The following VAT1L variants were observed in gnomAD, a reference collection of about 807,000 sequenced individuals.
VAT1L encodes vesicle amine transport 1 like, also known as putative NADPH-dependent quinone oxidoreductase VAT1L.
VAT1L carries 34 observed loss-of-function variants against 44.1 expected under a neutral mutation model. The observed-to-expected ratio is 0.77, with a 90% CI of 0.59 to 1.03. VAT1L has a LOEUF of 1.03. VAT1L is among the 50% of genes least tolerant of loss of function. The pLI is 0.00. For missense variants in VAT1L, 615 were observed against 538.8 expected, an observed-to-expected ratio of 1.14 and a Z score of -1.40; for synonymous variants, 253 against 202.2, an observed-to-expected ratio of 1.25 and a Z score of -2.13.
intron 4 of VAT1L, among the ~76,000 whole-genome samples, chr16:77,865,013 A>AC (rs1465747469): frequency 8.0e-6 from 1 of 124,596 alleles, no homozygotes; most frequent in Non-Finnish European, 1.5e-5. Flanking sequence ...TCGCTCTGTC[A>AC]CCCAGGCTGG....
chr16:77,857,943 A>C (rs2016878092), intron 3 of VAT1L, among the ~76,000 whole-genome samples: 1 of 151,784 alleles, frequency 6.6e-6, no homozygotes, highest in Non-Finnish European at 1.5e-5. Context: ...CTTTACTCCA[A>C]CTCTACAACA....
chr16:77,916,309 G>A (rs565295109), intron 7 of VAT1L, among the ~76,000 whole-genome samples: 10 of 152,194 alleles, frequency 6.6e-5, no homozygotes, highest in East Asian at 1.9e-4. Context: ...CTGCAACAGC[G>A]TCCTTACAAC....
chr16:77,923,576 G>C (rs1180644890), intron 7 of VAT1L, among the ~76,000 whole-genome samples: 3 of 152,184 alleles, frequency 2.0e-5, no homozygotes, highest in Non-Finnish European at 2.9e-5. Flanking sequence ...TCTACTCTCT[G>C]TTGGACTTCT....
intron 4 of VAT1L, among the ~76,000 whole-genome samples, chr16:77,868,256 TTGTA>T (rs2016995922): frequency 6.6e-6 from 1 of 152,136 alleles, no homozygotes; most frequent in Non-Finnish European, 1.5e-5. Flanking sequence ...AACTGAACAG[TTGTA>T]TGGGTACATC....
At chr16:77,955,727 C>G (rs866018379) in intron 7 of VAT1L, among the ~76,000 whole-genome samples, 29 of 107,528 alleles carry the variant, frequency 2.7e-4, no homozygotes, top group East Asian at 1.2e-3. Flanking sequence ...TATCCCCCCC[C>G]CCAAAAAAAA....
intron 7 of VAT1L, among the ~76,000 whole-genome samples, chr16:77,908,976 G>A (rs2017470469): frequency 1.3e-5 from 2 of 152,156 alleles, no homozygotes; most frequent in Non-Finnish European, 2.9e-5. Flanking sequence ...GAGAGAAGCA[G>A]GGGGATGTGG....
At chr16:77,956,288 T>G (rs761913156) in intron 7 of VAT1L, among the ~76,000 whole-genome samples, 2 of 152,182 alleles carry the variant, frequency 1.3e-5, no homozygotes, top group African/African-American at 2.4e-5. Flanking sequence ...CTAACCTTCC[T>G]GAACCTCATT....
chr16:77,808,660 A>G (rs746085296), intron 1 of VAT1L, among the ~76,000 whole-genome samples: 1 of 152,022 alleles, frequency 6.6e-6, no homozygotes, highest in Non-Finnish European at 1.5e-5. Context: ...CAATGGCGCA[A>G]TCTTAGCACA....
intron 7 of VAT1L, among the ~76,000 whole-genome samples, chr16:77,910,880 G>T (rs184535318): frequency 2.0e-5 from 3 of 152,190 alleles, no homozygotes; most frequent in South Asian, 4.2e-4. Flanking sequence ...AGAGCATTAC[G>T]ACAGTACATC....
At chr16:77,796,693 C>T (rs1344540150) in intron 1 of VAT1L, among the ~76,000 whole-genome samples, 1 of 152,334 alleles carries the variant, frequency 6.6e-6, no homozygotes, top group African/African-American at 2.4e-5. Context: ...ATGACTTGGG[C>T]TTTTACATAC....
Position 77,817,036 on chromosome 16 carries a change from G to A in VAT1L, c.349G>A (p.Val117Met), listed in dbSNP as rs1035718136. Reference sequence around the variant, plus strand: ...GATTGTTGAAGCTCTGGGGGACAGCGTGAAAGGATATGAGGTAATGTTTGG... The same window carrying A: ...GATTGTTGAAGCTCTGGGGGACAGCATGAAAGGATATGAGGTAATGTTTGG... ...SGIVEALGDS[V>M]KGYEIGDRVM... Residue 117 changes from valine to methionine, a missense_variant, in exon 2 of 9, where the codon GTG becomes ATG. Val to Met is a conservative substitution (Grantham distance 21). Transcript: ENST00000302536. 5.0e-6 allele frequency: 8 copies of A among 1,613,746 alleles called. No individual in the cohort carries two copies. The highest frequency in any genetic ancestry group is 2.2e-5 in the East Asian group (1 of 44,876).
At chr16:77,910,690 A>AAAG (rs1555518985) in intron 7 of VAT1L, among the ~76,000 whole-genome samples, 5 of 150,994 alleles carry the variant, frequency 3.3e-5, no homozygotes, top group South Asian at 2.1e-4. Flanking sequence ...AAAAAAAAAA[A>AAAG]AAAGAAAGAA....
intron 3 of VAT1L, among the ~76,000 whole-genome samples, chr16:77,860,135 T>A (rs1036393303): frequency 5.9e-5 from 9 of 152,142 alleles, no homozygotes; most frequent in African/African-American, 1.9e-4. Flanking sequence ...TTCGCTCACA[T>A]CCCTCAGAAG....
chr16:77,868,878 T>C (rs892437132), intron 4 of VAT1L, among the ~76,000 whole-genome samples: 4 of 151,870 alleles, frequency 2.6e-5, no homozygotes, highest in Non-Finnish European at 5.9e-5. Context: ...TAGATGCCAG[T>C]GGCACCCCCC....
At chr16:77,927,860 G>A (rs569824840) in intron 7 of VAT1L, among the ~76,000 whole-genome samples, 16 of 152,182 alleles carry the variant, frequency 1.1e-4, no homozygotes, top group East Asian at 3.9e-4. Context: ...CAGAGACTCC[G>A]TCTCAAAATA....
chr16:77,867,272 G>A (rs939595287), intron 4 of VAT1L, among the ~76,000 whole-genome samples: 1 of 152,180 alleles, frequency 6.6e-6, no homozygotes, highest in Non-Finnish European at 1.5e-5. Flanking sequence ...GGACGGTGAT[G>A]AGGGTTTCAC....
rs184870566 is a variant in VAT1L at position 77,952,784 on chromosome 16, G to A, written c.1078-19066G>A. ...GAGGCAGGAGAATCGTTTGACCTGGGAGGCAGAGGTTGCACTGAGCCAAGA... is the reference window on the plus strand; with the variant it reads ...GAGGCAGGAGAATCGTTTGACCTGGAAGGCAGAGGTTGCACTGAGCCAAGA... On this transcript the variant is annotated intron_variant, in intron 7 of 8. Transcript: ENST00000302536. 3.5e-3 allele frequency among the ~76,000 whole-genome samples: 517 copies of A among 148,498 alleles called. 3 individuals carry two copies. The highest frequency in any genetic ancestry group is 6.1e-3 in the Non-Finnish European group (415 of 67,550).
At chr16:77,935,700 G>A (rs888176154) in intron 7 of VAT1L, among the ~76,000 whole-genome samples, 1 of 152,112 alleles carries the variant, frequency 6.6e-6, no homozygotes, top group Non-Finnish European at 1.5e-5. Flanking sequence ...TGCAGTGATT[G>A]CTGACTGCAG....
At chr16:77,967,814 A>G (rs936287085) in intron 7 of VAT1L, among the ~76,000 whole-genome samples, 3 of 152,106 alleles carry the variant, frequency 2.0e-5, no homozygotes, top group African/African-American at 7.2e-5. Flanking sequence ...CAGGGTGATA[A>G]ATAACTGAAT....
Sources: allele counts gnomAD v4.1 joint callset (sites outside exome capture counted in the v4.1 genomes callset), GRCh38; gene constraint gnomAD v4.1.1; transcripts MANE v1.5; gene names NCBI Gene and HGNC (gene_info 2026-07-23, HGNC 2026-07-21).